TMPRSS11E: variants seen among roughly 807,000 people sequenced by gnomAD.
TMPRSS11E encodes transmembrane protease serine 11E.
TMPRSS11E carries 38 observed loss-of-function variants against 48.1 expected under a neutral mutation model. The ratio of observed to expected loss-of-function variants is 0.79; its 90% CI spans 0.61 to 1.04. The LOEUF (loss-of-function observed/expected upper bound fraction) is 1.04. Ranked by LOEUF, TMPRSS11E falls within the 50% of genes least tolerant of loss-of-function variation. The pLI is 0.00. For synonymous variants in TMPRSS11E, 158 were observed against 171.9 expected (o/e 0.92, Z 0.63); for missense variants, 530 against 510.8 (o/e 1.04, Z -0.36).
intron 9 of TMPRSS11E, among the ~76,000 whole-genome samples, chr4:68,493,154 G>A (rs1201143851): frequency 2.0e-5 from 3 of 151,596 alleles, no homozygotes; most frequent in Admixed American, 6.6e-5. Flanking sequence ...AAAATAGGGA[G>A]GATAAAATAA....
intron 9 of TMPRSS11E, among the ~76,000 whole-genome samples, chr4:68,492,210 A>T (rs1214582513): frequency 2.0e-5 from 3 of 152,232 alleles, no homozygotes; most frequent in African/African-American, 7.2e-5. Flanking sequence ...TTAAAAGATG[A>T]CTTGAAAATA....
At position 68,481,258 on chromosome 4, in the gene TMPRSS11E, A is replaced by G. The variant is rs143568637; in HGVS notation, c.1110+2267A>G. On this transcript the variant is annotated intron_variant, in intron 9 of 9. Transcript: ENST00000305363. ...ACTATTGTGACAATTGCTGCCATGA[A>G]CATATGCATACATGTGTCTTTATGG... 3.7e-3 allele frequency among the ~76,000 whole-genome samples: 564 copies of G among 152,306 alleles called. 7 individuals carry two copies. Among genetic ancestry groups the G allele is most frequent in the African/African-American group, 0.012 (506 of 41,556 alleles).
chr4:68,460,962 G>A (rs996450961), intron 1 of TMPRSS11E, among the ~76,000 whole-genome samples: 1 of 149,634 alleles, frequency 6.7e-6, no homozygotes, highest in African/African-American at 2.5e-5. Context: ...CTCACTCCAA[G>A]CTCCGCCTCC....
chr4:68,469,014 A>C, intron 4 of TMPRSS11E, 68 bp downstream of exon 4: 3 of 1,203,938 alleles, frequency 2.5e-6, no homozygotes, highest in Non-Finnish European at 3.7e-6. Flanking sequence ...AGCAATAAAT[A>C]TGTTTTCAAG....
chr4:68,497,252 T>C lies in TMPRSS11E; in HGVS notation c.*448T>C, dbSNP rs1729898882. Reference sequence around the variant, plus strand: ...GAAAGAAAATATAAGAAGAAAAAAATCCCCTACATTTTATTGGCACAGAAA... The same window carrying C: ...GAAAGAAAATATAAGAAGAAAAAAACCCCCTACATTTTATTGGCACAGAAA... On this transcript the variant is annotated 3_prime_UTR_variant, in exon 10 of 10. Transcript: ENST00000305363. 6.6e-6 allele frequency: 1 copy of C among 152,486 alleles called. No homozygotes were observed. The highest frequency in any genetic ancestry group is 2.4e-5 in the African/African-American group (1 of 41,418). 9.4% of individuals were successfully genotyped at this position (152,486 alleles called of 1,614,324 possible).
chr4:68,476,993 G>A (rs1729236855), intron 7 of TMPRSS11E, among the ~76,000 whole-genome samples: 1 of 151,896 alleles, frequency 6.6e-6, no homozygotes, highest in Non-Finnish European at 1.5e-5. Flanking sequence ...ATTATTGTGT[G>A]GACTTTTTGG....
intron 9 of TMPRSS11E, among the ~76,000 whole-genome samples, chr4:68,490,532 A>G (rs1578146460): frequency 6.6e-6 from 1 of 151,988 alleles, no homozygotes; most frequent in African/African-American, 2.4e-5. Flanking sequence ...TTACTACTGC[A>G]TGGAGGTTAG....
intron 5 of TMPRSS11E, among the ~76,000 whole-genome samples, chr4:68,474,425 T>C (rs1729154482): frequency 6.6e-6 from 1 of 152,124 alleles, no homozygotes; most frequent in South Asian, 2.1e-4. Flanking sequence ...TGGTATAAAA[T>C]CCAAATTCTT....
rs1312933392 is a variant in TMPRSS11E, at chr4:68,476,288, T to C, written c.557T>C (p.Leu186Pro). The change falls in exon 7 of 10, where the codon CTA becomes CCA. Residue 186 changes from leucine (L) to proline (P), a missense_variant. By Grantham distance (98) the Leu-to-Pro change is moderately conservative. Coordinates refer to ENST00000305363, the MANE Select transcript of TMPRSS11E (RefSeq NM_014058.4). ...TGCGGAACACGAAGAAGTAAAACTC[T>C]AGGTCAGAGTCTCAGGATCGTTGGT... ...HCCGTRRSKT[L>P]GQSLRIVGGT... 1.2e-6 allele frequency: 2 copies of C among 1,614,088 alleles called. No homozygotes were observed. Among genetic ancestry groups the C allele is most frequent in the Non-Finnish European group, 1.7e-6 (2 of 1,179,952 alleles).
At chr4:68,476,474 C>A (rs778572197) in intron 7 of TMPRSS11E, 36 bp downstream of exon 7, 3 of 1,559,832 alleles carry the variant, frequency 1.9e-6, no homozygotes, top group African/African-American at 1.4e-5. Flanking sequence ...TGGGAGTGAA[C>A]AAAGTGCACT....
At chr4:68,451,238 G>T (rs1728488600) in intron 1 of TMPRSS11E, among the ~76,000 whole-genome samples, 1 of 151,894 alleles carries the variant, frequency 6.6e-6, no homozygotes, top group African/African-American at 2.4e-5. Flanking sequence ...AGTTCTTCAA[G>T]TGCGCTCCTT....
At chr4:68,492,997 T>A (rs1309250524) in intron 9 of TMPRSS11E, among the ~76,000 whole-genome samples, 1 of 152,220 alleles carries the variant, frequency 6.6e-6, no homozygotes. Context: ...TTTACATTTA[T>A]GATCATCCAT....
intron 2 of TMPRSS11E, among the ~76,000 whole-genome samples, chr4:68,466,082 A>T (rs1258465735): frequency 2.0e-5 from 3 of 152,200 alleles, no homozygotes; most frequent in Non-Finnish European, 4.4e-5. Flanking sequence ...AGGTTATGCC[A>T]GGTGGCAACT....
At chr4:68,467,947 G>T (rs1728968965) in intron 3 of TMPRSS11E, among the ~76,000 whole-genome samples, 1 of 152,060 alleles carries the variant, frequency 6.6e-6, no homozygotes, top group African/African-American at 2.4e-5. Context: ...AAATCTAAAG[G>T]AATATACATA....
At chr4:68,470,502 A>C (rs1729036480) in intron 4 of TMPRSS11E, among the ~76,000 whole-genome samples, 1 of 151,870 alleles carries the variant, frequency 6.6e-6, no homozygotes, top group African/African-American at 2.4e-5. Flanking sequence ...TACAATTAAC[A>C]TGTTTATAGG....
chr4:68,466,858 T>C, intron 3 of TMPRSS11E, 106 bp downstream of exon 3: 1 of 1,465,462 alleles, frequency 6.8e-7, no homozygotes, highest in Non-Finnish European at 9.4e-7. Context: ...TCCCTGTGTA[T>C]TTGCAAAATG....
At chr4:68,457,528 C>T (rs1209205161) in intron 1 of TMPRSS11E, among the ~76,000 whole-genome samples, 1 of 152,028 alleles carries the variant, frequency 6.6e-6, no homozygotes, top group East Asian at 1.9e-4. Context: ...ACTATTTGAC[C>T]CAGACATCCC....
At chr4:68,468,331 A>T (rs1460428840) in intron 3 of TMPRSS11E, among the ~76,000 whole-genome samples, 2 of 152,138 alleles carry the variant, frequency 1.3e-5, no homozygotes, top group Non-Finnish European at 2.9e-5. Flanking sequence ...CTTTCACTTT[A>T]GTAGAGTAAA....
intron 9 of TMPRSS11E, among the ~76,000 whole-genome samples, chr4:68,495,016 T>C (rs1729828297): frequency 6.6e-6 from 1 of 152,156 alleles, no homozygotes; most frequent in African/African-American, 2.4e-5. Context: ...GAAAGGGTTT[T>C]CCTTTTCTTC....
Sources: allele counts gnomAD v4.1 joint callset (sites outside exome capture counted in the v4.1 genomes callset), GRCh38; gene constraint gnomAD v4.1.1; transcripts MANE v1.5; gene names NCBI Gene and HGNC (gene_info 2026-07-23, HGNC 2026-07-21).